Variants in CHUK observed in about 807,000 individuals in gnomAD.
CHUK encodes the protein inhibitor of nuclear factor kappa-B kinase subunit alpha.
CHUK carries 35 observed loss-of-function variants against 104.8 expected under a neutral mutation model. That is an observed-to-expected ratio of 0.33 (90% CI 0.26 to 0.44). CHUK has a LOEUF of 0.44. Ranked by LOEUF, CHUK falls within the 20% of genes least tolerant of loss-of-function variation. The pLI, the probability that CHUK is intolerant of heterozygous loss-of-function variation, is 1.00. For synonymous variants in CHUK, 276 were observed against 291.9 expected, an observed-to-expected ratio of 0.95 and a Z score of 0.56; for missense variants, 663 against 902.7, an observed-to-expected ratio of 0.73 and a Z score of 3.40.
chr10:100,227,427 C>G (rs1589601481), intron 1 of CHUK, among the ~76,000 whole-genome samples: 1 of 152,222 alleles, frequency 6.6e-6, no homozygotes, highest in South Asian at 2.1e-4. Context: ...CCATCCCCAC[C>G]CAGGGACCAA....
intron 9 of CHUK, among the ~76,000 whole-genome samples, chr10:100,210,622 T>G (rs1429512066): frequency 6.6e-6 from 1 of 152,242 alleles, no homozygotes; most frequent in African/African-American, 2.4e-5. Context: ...ACTCTTTTTG[T>G]GTCTGGCTAC....
intron 13 of CHUK, among the ~76,000 whole-genome samples, chr10:100,203,723 G>C (rs1845523065): frequency 6.6e-6 from 1 of 151,888 alleles, no homozygotes; most frequent in Non-Finnish European, 1.5e-5. Context: ...AGTCAAATAT[G>C]GAAAATTTGG....
intron 3 of CHUK, among the ~76,000 whole-genome samples, chr10:100,222,534 C>G (rs1320476620): frequency 1.3e-5 from 2 of 152,112 alleles, no homozygotes; most frequent in African/African-American, 2.4e-5. Context: ...CATCTAACAC[C>G]ATTGCTATAG....
At chr10:100,216,876 G>A (rs1404525049) in intron 9 of CHUK, among the ~76,000 whole-genome samples, 2 of 152,140 alleles carry the variant, frequency 1.3e-5, no homozygotes, top group African/African-American at 4.8e-5. Flanking sequence ...GTTAGGAAGG[G>A]TAGGGTGGGT....
rs759684523 is a variant in CHUK, at chr10:100,222,179, C to T, written c.318G>A (p.Leu106=). The change falls in exon 4 of 21, where the codon CTG becomes CTA. Residue 106 remains leucine (L), a splice_region_variant and synonymous_variant. Transcript: ENST00000370397. ...CACAACAATTTTCTGGTTTGTTGAGCAGCTAAAAAAAGAAAGAAATCTAAA... is the reference window on the plus strand; with the variant it reads ...CACAACAATTTTCTGGTTTGTTGAGTAGCTAAAAAAAGAAAGAAATCTAAA... ...EYCSGGDLRK[L]LNKPENCCGL... is the part of the protein sequence containing the mutation. 1.1e-5 allele frequency: 17 copies of T among 1,591,644 alleles called. No homozygotes were observed. Among genetic ancestry groups the T allele is most frequent in the Admixed American group, 1.7e-5 (1 of 59,900 alleles).
intron 1 of CHUK, among the ~76,000 whole-genome samples, chr10:100,228,172 T>C (rs1009125691): frequency 5.3e-5 from 8 of 152,218 alleles, no homozygotes; most frequent in African/African-American, 1.2e-4. Context: ...GTAATTATTA[T>C]ACTATACTTA....
Position 100,194,097 on chromosome 10 carries a change from G to T in CHUK, c.1861C>A (p.Leu621Ile). The T allele has an allele frequency of 6.2e-7, 1 of 1,613,654 alleles. No individual in the cohort carries two copies. Among genetic ancestry groups the T allele is most frequent in the Non-Finnish European group, 8.5e-7 (1 of 1,179,794 alleles). Residue 621 changes from leucine (L) to isoleucine (I), a missense_variant, in exon 18 of 21, where the codon CTA becomes ATA. By Grantham distance (5) the Leu-to-Ile change is conservative (BLOSUM62 2). Coordinates refer to ENST00000370397, the MANE Select transcript of CHUK (RefSeq NM_001278.5). ...AGGGCCACTTCCACCTTAGGGAGTAGATCAATAATCTTCTGCTTACAGCCC... is the reference window on the plus strand; with the variant it reads ...AGGGCCACTTCCACCTTAGGGAGTATATCAATAATCTTCTGCTTACAGCCC... Reference protein sequence around the residue: ...LLGCKQKIIDLLPKVEVALSN... With the variant: ...LLGCKQKIIDILPKVEVALSN...
chr10:100,205,478 CTTTTT>C (rs1845568988), intron 11 of CHUK, among the ~76,000 whole-genome samples: 1 of 152,172 alleles, frequency 6.6e-6, no homozygotes, highest in South Asian at 2.1e-4. Context: ...CTGTATCTGT[CTTTTT>C]TGCTTGCTTT....
chr10:100,196,677 A>T (rs1845338461), intron 16 of CHUK, among the ~76,000 whole-genome samples: 1 of 152,160 alleles, frequency 6.6e-6, no homozygotes, highest in Non-Finnish European at 1.5e-5. Flanking sequence ...CTAGTATCAC[A>T]GGTATGAGCC....
At chr10:100,203,788 CAT>C (rs979161639) in intron 13 of CHUK, among the ~76,000 whole-genome samples, 8 of 151,894 alleles carry the variant, frequency 5.3e-5, no homozygotes, top group Non-Finnish European at 1.2e-4. Flanking sequence ...TTGAAAAAAA[CAT>C]AGCCTTAGAA....
chr10:100,222,762 C>T, intron 3 of CHUK, 104 bp downstream of exon 3: 6 of 707,494 alleles, frequency 8.5e-6, no homozygotes, highest in South Asian at 4.4e-5. Flanking sequence ...AGGAAGCAGA[C>T]CATAGTTTTT....
chr10:100,207,412 T>C, intron 10 of CHUK, 80 bp from the exon 11 acceptor site: 2 of 737,398 alleles, frequency 2.7e-6, no homozygotes, highest in Non-Finnish European at 4.9e-6. Flanking sequence ...ATGCACCAGA[T>C]TTCCTACTTT....
intron 20 of CHUK, 30 bp downstream of exon 20, chr10:100,190,839 A>C (rs780203798): frequency 7.7e-7 from 1 of 1,291,218 alleles, no homozygotes; most frequent in East Asian, 2.3e-5. Flanking sequence ...ACATAGCCAA[A>C]GCAGGCACCC....
chr10:100,205,909 CAA>C (rs979538579), intron 11 of CHUK, among the ~76,000 whole-genome samples: 4 of 152,152 alleles, frequency 2.6e-5, no homozygotes, highest in African/African-American at 9.7e-5. Flanking sequence ...GCCTGGGCGA[CAA>C]GAGTGAAACT....
intron 14 of CHUK, 23 bp downstream of exon 14, chr10:100,202,065 C>T (rs780421503): frequency 2.6e-6 from 4 of 1,546,022 alleles, no homozygotes; most frequent in South Asian, 1.1e-5. Flanking sequence ...AATAAGTATA[C>T]AGAATGACGT....
chr10:100,222,167 T>C lies in CHUK; in HGVS notation c.330A>G (p.Pro110=). 6.2e-7 allele frequency: 1 copy of C among 1,600,040 alleles called. No homozygotes were observed. The highest frequency in any genetic ancestry group is 8.6e-7 in the Non-Finnish European group (1 of 1,168,996). ...GGDLRKLLNK[P]ENCCGLKESQ... ...TTTCTTTAAGTCCACAACAATTTTC[T>C]GGTTTGTTGAGCAGCTAAAAAAAGA... Residue 110 remains proline (P), a synonymous_variant, in exon 4 of 21, where the codon CCA becomes CCG. Transcript: ENST00000370397.
At chr10:100,205,696 G>A (rs1393541795) in intron 11 of CHUK, among the ~76,000 whole-genome samples, 5 of 152,218 alleles carry the variant, frequency 3.3e-5, no homozygotes, top group Non-Finnish European at 2.9e-5. Context: ...GGGAAGCCAA[G>A]GCGGGCAGAT....
intron 2 of CHUK, among the ~76,000 whole-genome samples, chr10:100,225,058 C>A (rs1291298886): frequency 6.6e-6 from 1 of 152,084 alleles, no homozygotes; most frequent in Non-Finnish European, 1.5e-5. Context: ...CCATGTTGCC[C>A]AGGCTGGTCT....
At chr10:100,209,520 A>C (rs564271579) in intron 10 of CHUK, 75 bp downstream of exon 10, 12 of 880,086 alleles carry the variant, frequency 1.4e-5, no homozygotes, top group Middle Eastern at 4.3e-4. Context: ...AATTCCAAGT[A>C]TGCATAAAAA....
Sources: allele counts gnomAD v4.1 joint callset (sites outside exome capture counted in the v4.1 genomes callset), GRCh38; gene constraint gnomAD v4.1.1; transcripts MANE v1.5; gene names NCBI Gene and HGNC (gene_info 2026-07-23, HGNC 2026-07-21).